COLGALT2: variants seen among roughly 807,000 people sequenced by gnomAD.
COLGALT2 encodes the protein procollagen galactosyltransferase 2.
Under a neutral mutation model 73.4 loss-of-function variants are expected in COLGALT2, and 49 were observed. The ratio of observed to expected loss-of-function variants is 0.67; its 90% CI spans 0.53 to 0.85. COLGALT2 has a LOEUF of 0.85. COLGALT2 is among the 40% of genes least tolerant of loss of function. The pLI, the probability that COLGALT2 is intolerant of heterozygous loss-of-function variation, is 0.00. For synonymous variants in COLGALT2, 295 were observed against 307.6 expected, an observed-to-expected ratio of 0.96 and a Z score of 0.43; for missense variants, 722 against 790.2, an observed-to-expected ratio of 0.91 and a Z score of 1.03.
intron 8 of COLGALT2, among the ~76,000 whole-genome samples, chr1:183,948,898 G>A (rs1002887367): frequency 4.6e-5 from 7 of 152,096 alleles, no homozygotes; most frequent in Non-Finnish European, 7.4e-5. Context: ...CAGGATACAG[G>A]ATCAATATAC....
intron 1 of COLGALT2, among the ~76,000 whole-genome samples, chr1:184,016,263 C>A (rs1648996635): frequency 6.6e-6 from 1 of 152,196 alleles, no homozygotes; most frequent in Non-Finnish European, 1.5e-5. Context: ...TGGGACTTCT[C>A]ATGCTAAGAA....
At chr1:184,002,505 C>G (rs146767023) in intron 1 of COLGALT2, among the ~76,000 whole-genome samples, 10 of 152,178 alleles carry the variant, frequency 6.6e-5, no homozygotes, top group African/African-American at 2.4e-4. Flanking sequence ...TTTGTAGCGA[C>G]AGGAAGAGAA....
intron 1 of COLGALT2, among the ~76,000 whole-genome samples, chr1:183,990,202 A>G (rs747547911): frequency 5.3e-5 from 8 of 152,224 alleles, no homozygotes; most frequent in Admixed American, 3.9e-4. Flanking sequence ...TTTAGGCTCA[A>G]TGACAGCAGA....
chr1:184,030,035 T>C (rs917919365), intron 1 of COLGALT2, among the ~76,000 whole-genome samples: 1 of 152,204 alleles, frequency 6.6e-6, no homozygotes, highest in Non-Finnish European at 1.5e-5. Context: ...CACTGGCAGG[T>C]GGTATAGAGT....
chr1:183,999,275 C>A (rs1210018000), intron 1 of COLGALT2, among the ~76,000 whole-genome samples: 1 of 152,064 alleles, frequency 6.6e-6, no homozygotes, highest in African/African-American at 2.4e-5. Context: ...TCTGTAGATT[C>A]TCTAATGTTG....
At chr1:184,030,192 A>T (rs539610936) in intron 1 of COLGALT2, among the ~76,000 whole-genome samples, 1 of 152,354 alleles carries the variant, frequency 6.6e-6, no homozygotes, top group South Asian at 2.1e-4. Flanking sequence ...ATTTTTAAAA[A>T]CTAACAATTT....
intron 1 of COLGALT2, 103 bp from the exon 2 acceptor site, chr1:183,978,623 GA>G: frequency 3.6e-6 from 2 of 550,328 alleles, no homozygotes; most frequent in East Asian, 3.0e-5. Context: ...GCTACTCCTG[GA>G]AAAAAAATTG....
intron 1 of COLGALT2, among the ~76,000 whole-genome samples, chr1:184,010,494 T>C (rs1672205518): frequency 6.6e-6 from 1 of 152,202 alleles, no homozygotes; most frequent in Admixed American, 6.5e-5. Flanking sequence ...GGCAAGGAGC[T>C]AACTGAACTC....
chr1:184,020,733 G>A (rs1051650158), intron 1 of COLGALT2, among the ~76,000 whole-genome samples: 4 of 152,120 alleles, frequency 2.6e-5, no homozygotes, highest in Non-Finnish European at 5.9e-5. Flanking sequence ...CTTTCCCAGT[G>A]CACCATAAAC....
intron 8 of COLGALT2, among the ~76,000 whole-genome samples, chr1:183,946,857 C>A (rs958826788): frequency 2.0e-5 from 3 of 152,070 alleles, no homozygotes; most frequent in African/African-American, 7.2e-5. Context: ...CGGTGAAACC[C>A]CATCTCTACT....
At chr1:183,952,894 A>T (rs1045389285) in intron 7 of COLGALT2, among the ~76,000 whole-genome samples, 1 of 152,208 alleles carries the variant, frequency 6.6e-6, no homozygotes, top group African/African-American at 2.4e-5. Flanking sequence ...TCATACTGTG[A>T]TGGGTCATGC....
At chr1:184,026,954 A>G (rs1310020698) in intron 1 of COLGALT2, among the ~76,000 whole-genome samples, 1 of 152,178 alleles carries the variant, frequency 6.6e-6, no homozygotes, top group Non-Finnish European at 1.5e-5. Context: ...CTGAAGAAAG[A>G]ATGTGAGGGA....
intron 4 of COLGALT2, among the ~76,000 whole-genome samples, chr1:183,972,921 A>C (rs189750144): frequency 1.2e-4 from 18 of 152,104 alleles, no homozygotes; most frequent in South Asian, 2.1e-4. Context: ...GGATGGTCTC[A>C]ATCTCCTGAC....
At chr1:183,950,052 T>G (rs544776890) in intron 8 of COLGALT2, among the ~76,000 whole-genome samples, 2 of 152,180 alleles carry the variant, frequency 1.3e-5, no homozygotes, top group South Asian at 2.1e-4. Flanking sequence ...ATGGATAATT[T>G]TTTAGTATAA....
intron 6 of COLGALT2, among the ~76,000 whole-genome samples, chr1:183,961,295 A>T (rs1042790118): frequency 6.6e-6 from 1 of 152,212 alleles, no homozygotes; most frequent in Admixed American, 6.5e-5. Context: ...TAGTGTGCAT[A>T]TTTGTAATTT....
chr1:184,011,522 C>T lies in COLGALT2; in HGVS notation c.263+25573G>A, dbSNP rs1365803812. 2.6e-5 allele frequency among the ~76,000 whole-genome samples: 4 copies of T among 152,222 alleles called. No individual in the cohort carries two copies. The East Asian group carries it at 7.7e-4, about 29-fold the overall frequency. On this transcript the variant is annotated intron_variant, in intron 1 of 11. Coordinates refer to ENST00000361927, the MANE Select transcript of COLGALT2 (RefSeq NM_015101.4). ...TCTGCTACATAGGAAACCCAGACAA[C>T]CTCCATCCTCACTACTCTGATTTAA... is the stretch of plus-strand genomic sequence containing the variant.
intron 6 of COLGALT2, among the ~76,000 whole-genome samples, chr1:183,956,534 A>AGG (rs1670559834): frequency 6.6e-6 from 1 of 152,142 alleles, no homozygotes; most frequent in African/African-American, 2.4e-5. Context: ...CCTGTTCATG[A>AGG]TATTGTCTGA....
At chr1:183,984,782 G>A (rs1192476178) in intron 1 of COLGALT2, among the ~76,000 whole-genome samples, 1 of 152,180 alleles carries the variant, frequency 6.6e-6, no homozygotes, top group Non-Finnish European at 1.5e-5. Flanking sequence ...TTCTCCAGCT[G>A]TGCAAGTTAG....
At position 183,975,170 on chromosome 1, in the gene COLGALT2, C is replaced by A. The variant is rs768723326; in HGVS notation, c.419G>T (p.Arg140Leu). Residue 140 changes from arginine to leucine, a missense_variant, in exon 3 of 12, where the codon CGG (arginine) becomes CTG (leucine). Arg to Leu is a moderately radical substitution (Grantham distance 102). Coordinates refer to ENST00000361927, the MANE Select transcript of COLGALT2 (RefSeq NM_015101.4). ...EIGPKHWPTS[R>L]FAHVMKLRQA... Reference sequence around the variant, plus strand: ...TCGTAGTTTCATCACATGGGCAAACCGGGAGGTTGGCCAGTGCTTTGGTCC... The same window carrying A: ...TCGTAGTTTCATCACATGGGCAAACAGGGAGGTTGGCCAGTGCTTTGGTCC... The A allele has an allele frequency of 1.9e-6, 3 of 1,613,868 alleles. No homozygotes were observed. Among genetic ancestry groups the A allele is most frequent in the African/African-American group, 2.7e-5 (2 of 74,874 alleles).
Sources: gnomAD v4.1 joint callset for allele counts (sites outside exome capture counted in the v4.1 genomes callset) on GRCh38, gnomAD v4.1.1 for gene constraint, MANE v1.5 for transcripts, NCBI Gene and HGNC (gene_info 2026-07-23, HGNC 2026-07-21) for gene names.